The following ANGPT2 variants were observed in gnomAD, a reference collection of about 807,000 sequenced individuals.
The protein encoded by ANGPT2 is angiopoietin 2.
In ANGPT2, 28 loss-of-function variants were observed where a neutral mutation model predicts 62.9. The observed-to-expected ratio is 0.44, with a 90% CI of 0.33 to 0.61. ANGPT2 has a LOEUF of 0.61. ANGPT2 is among the 20% of genes least tolerant of loss of function. The pLI is 0.03. For synonymous variants in ANGPT2, 284 were observed against 207.8 expected (o/e 1.37, Z -3.15); for missense variants, 727 against 594.9 (o/e 1.22, Z -2.31).
intron 1 of ANGPT2, among the ~76,000 whole-genome samples, chr8:6,539,061 G>GA (rs1821028796): frequency 6.6e-6 from 1 of 152,018 alleles, no homozygotes; most frequent in Admixed American, 6.6e-5. Flanking sequence ...TTATTCTGGA[G>GA]ATTTTGCTGC....
chr8:6,559,824 GGTCCACTGCAGTGTGTTTT>G (rs376357880), intron 1 of ANGPT2, among the ~76,000 whole-genome samples: 240 of 152,284 alleles, frequency 1.6e-3, no homozygotes, highest in African/African-American at 5.6e-3. Flanking sequence ...AGTAGTGTTT[GGTCCACTGCAGTGTGTTTT>G]GTGTGCTAGC....
At chr8:6,534,915 G>C (rs779597846) in intron 1 of ANGPT2, among the ~76,000 whole-genome samples, 3 of 152,120 alleles carry the variant, frequency 2.0e-5, no homozygotes, top group Non-Finnish European at 2.9e-5. Context: ...CATCGCCATG[G>C]GAGTAATGGA....
rs1362746634 is a variant in ANGPT2 at position 6,521,387 on chromosome 8, G to A, written c.590C>T (p.Ala197Val). 2 of 1,611,180 alleles carry A rather than the reference G, an allele frequency of 1.2e-6. No homozygotes were observed. The highest frequency in any genetic ancestry group is 8.5e-7 in the Non-Finnish European group (1 of 1,178,992). ...TTGGATGATGTGCTTGTCTTCCATA[G>A]CTAGCACCTTCTTTTCTAGGAAACT... ...KNSFLEKKVL[A>V]MEDKHIIQLQ... The change falls in exon 4 of 9, where the codon GCT (alanine) becomes GTT (valine). Residue 197 changes from alanine (A) to valine (V), a missense_variant. Coordinates refer to ENST00000629816, the MANE Select transcript of ANGPT2 (RefSeq NM_001118887.2).
intron 3 of ANGPT2, among the ~76,000 whole-genome samples, chr8:6,523,938 A>T (rs1387555255): frequency 1.3e-5 from 2 of 151,366 alleles, no homozygotes. Flanking sequence ...GGATAGCCTG[A>T]CACTACATTA....
chr8:6,526,115 G>C (rs147896760), intron 3 of ANGPT2, among the ~76,000 whole-genome samples: 134 of 152,092 alleles, frequency 8.8e-4, no homozygotes, highest in African/African-American at 3.2e-3. Flanking sequence ...ACATTACTAA[G>C]TAAGACTATT....
chr8:6,542,961 C>T (rs573060862), intron 1 of ANGPT2, among the ~76,000 whole-genome samples: 88 of 152,210 alleles, frequency 5.8e-4, no homozygotes, highest in Admixed American at 2.6e-3. Flanking sequence ...TTTATAAGGC[C>T]GGCAGGAAGC....
At chr8:6,554,810 A>G (rs1824307200) in intron 1 of ANGPT2, among the ~76,000 whole-genome samples, 1 of 152,150 alleles carries the variant, frequency 6.6e-6, no homozygotes, top group South Asian at 2.1e-4. Flanking sequence ...GCAAAGAGAA[A>G]GGTTTTAGCT....
In ANGPT2 at chr8:6,514,686, T is replaced by C. The variant is rs1815892804; in HGVS notation, c.1020A>G (p.Glu340=). ...GSVDFQRTWK[E]YKVGFGNPSG... ...TAAAGAATGTCCTTACCACTTTATA[T>C]TCTTTCCAAGTCCTCTGAAAATCAA... is the stretch of plus-strand genomic sequence containing the variant. The change falls in exon 6 of 9, where the codon GAA becomes GAG. Residue 340 remains glutamate (E), a synonymous_variant. Transcript: ENST00000629816. The C allele has an allele frequency of 1.9e-6, 3 of 1,614,058 alleles. No individual in the cohort carries two copies. The African/African-American group carries it at 4.0e-5, about 22-fold the overall frequency.
At chr8:6,539,011 C>T (rs971052270) in intron 1 of ANGPT2, among the ~76,000 whole-genome samples, 1 of 144,460 alleles carries the variant, frequency 6.9e-6, no homozygotes, top group African/African-American at 2.6e-5. Context: ...TCTCCTCCCC[C>T]TCCTTTTAGA....
At chr8:6,562,336 C>A (rs751278894) in intron 1 of ANGPT2, among the ~76,000 whole-genome samples, 2 of 152,016 alleles carry the variant, frequency 1.3e-5, no homozygotes, top group Admixed American at 6.6e-5. Context: ...ACAAACAGAA[C>A]GGCACACAAG....
rs1812099837 is a variant in ANGPT2 at position 6,501,143 on chromosome 8, G to T, written c.*1958C>A. The T allele has an allele frequency of 6.6e-6, 1 of 152,172 alleles. No homozygotes were observed. Among genetic ancestry groups the T allele is most frequent in the South Asian group, 2.1e-4 (1 of 4,822 alleles). 9.4% of individuals were successfully genotyped at this position (152,172 alleles called of 1,614,324 possible). ...GTTCTTAACTAGTTAAATAGTTGTT[G>T]GAAAAGTGCACCTTGGTGGAAATAA... On this transcript the variant is annotated 3_prime_UTR_variant, in exon 9 of 9. Coordinates refer to ENST00000629816, the MANE Select transcript of ANGPT2 (RefSeq NM_001118887.2).
chr8:6,538,397 G>C lies in ANGPT2; in HGVS notation c.289-5910C>G, dbSNP rs1007624922. Among the ~76,000 whole-genome samples, 5 of 152,316 alleles carry C rather than the reference G, an allele frequency of 3.3e-5. No individual in the cohort carries two copies. The East Asian group carries it at 9.6e-4, about 29-fold the overall frequency. ...GCTCTCCTTTCATCCCGCTGTCAGA[G>C]TCAGGAATCCACATGCAAAGCTGGT... On this transcript the variant is annotated intron_variant, in intron 1 of 8. Coordinates refer to ENST00000629816, the MANE Select transcript of ANGPT2 (RefSeq NM_001118887.2).
rs1233306924 is a variant in ANGPT2, at chr8:6,501,955, G to A, written c.*1146C>T. The A allele has an allele frequency of 6.8e-6, 1 of 146,706 alleles. No homozygotes were observed. Among genetic ancestry groups the A allele is most frequent in the African/African-American group, 2.5e-5 (1 of 39,688 alleles). The allele number at this position is 146,706 out of a possible 1,614,324, so 9.1% of individuals were successfully genotyped here. ...TTTTTTTTTTTTCAGTTTGCTGATT[G>A]ACATAAAAAAACTTACTAGTGTCAA... is the stretch of plus-strand genomic sequence containing the variant. On this transcript the variant is annotated 3_prime_UTR_variant, in exon 9 of 9. Transcript: ENST00000629816.
chr8:6,532,454 C>G lies in ANGPT2; in HGVS notation c.322G>C (p.Glu108Gln), dbSNP rs774660071. Residue 108 changes from glutamate to glutamine, a missense_variant, in exon 2 of 9, where the codon GAA (glutamate) becomes CAA (glutamine). By Grantham distance (29) the Glu-to-Gln change is conservative. Coordinates refer to ENST00000629816, the MANE Select transcript of ANGPT2 (RefSeq NM_001118887.2). ...ENYIQDNMKK[E>Q]MVEIQQNAVQ... ...GCATTCTGCTGTATCTCTACCATTTCTTTCTTCATGTTGTCCTGGATATAA... is the reference window on the plus strand; with the variant it reads ...GCATTCTGCTGTATCTCTACCATTTGTTTCTTCATGTTGTCCTGGATATAA... 1.9e-6 allele frequency: 3 copies of G among 1,613,482 alleles called. No individual in the cohort carries two copies. Among genetic ancestry groups the G allele is most frequent in the East Asian group, 4.5e-5 (2 of 44,826 alleles).
intron 8 of ANGPT2, among the ~76,000 whole-genome samples, chr8:6,506,976 C>T (rs925088659): frequency 2.0e-5 from 3 of 151,950 alleles, no homozygotes; most frequent in African/African-American, 7.3e-5. Flanking sequence ...CGGCTCATTG[C>T]AAACTCTGTC....
intron 3 of ANGPT2, among the ~76,000 whole-genome samples, chr8:6,526,116 T>TAAG (rs760357331): frequency 3.5e-4 from 53 of 151,912 alleles, no homozygotes; most frequent in Non-Finnish European, 6.2e-4. Context: ...CATTACTAAG[T>TAAG]AAGACTATTT....
In ANGPT2 at chr8:6,562,975, G is replaced by C; in HGVS notation, c.-41C>G. 6 of 1,547,588 alleles carry C rather than the reference G, an allele frequency of 3.9e-6. No homozygotes were observed. The highest frequency in any genetic ancestry group is 5.3e-6 in the Non-Finnish European group (6 of 1,139,584). On this transcript the variant is annotated 5_prime_UTR_variant, in exon 1 of 9. Coordinates refer to ENST00000629816, the MANE Select transcript of ANGPT2 (RefSeq NM_001118887.2). ...AAACCAGCAGCTTAGCAAACTTGAGGGCAAACACACGTCCAGAGTCCCGAG... is the reference window on the plus strand; with the variant it reads ...AAACCAGCAGCTTAGCAAACTTGAGCGCAAACACACGTCCAGAGTCCCGAG...
At position 6,500,826 on chromosome 8, in the gene ANGPT2, T is replaced by G. The variant is rs1812028372; in HGVS notation, c.*2275A>C. The G allele has an allele frequency of 6.6e-6, 1 of 152,224 alleles. No homozygotes were observed. Among genetic ancestry groups the G allele is most frequent in the Admixed American group, 6.5e-5 (1 of 15,286 alleles). The allele number at this position is 152,224 out of a possible 1,614,324, so 9.4% of individuals were successfully genotyped here. The stretch of plus-strand genomic sequence containing the variant: ...CCCCATTCTCGCTCATAAGAGATTA[T>G]ATATGATGCACAATGACATAATGAG... On this transcript the variant is annotated 3_prime_UTR_variant, in exon 9 of 9. Coordinates refer to ENST00000629816, the MANE Select transcript of ANGPT2 (RefSeq NM_001118887.2).
In ANGPT2 at chr8:6,526,990, AT is replaced by A. The variant is rs1425630798; in HGVS notation, c.566+564del. Among the ~76,000 whole-genome samples the A allele has an allele frequency of 2.0e-5, 3 of 152,202 alleles. No homozygotes were observed. The East Asian group carries it at 5.8e-4, about 29-fold the overall frequency. ...TTTATCGTGTGTTTGAAGAGGAAACATTGGATCATAAAATGTGCATTGGCTT... is the reference window on the plus strand; with the variant it reads ...TTTATCGTGTGTTTGAAGAGGAAACATGGATCATAAAATGTGCATTGGCTT... On this transcript the variant is annotated intron_variant, in intron 3 of 8. Coordinates refer to ENST00000629816, the MANE Select transcript of ANGPT2 (RefSeq NM_001118887.2).
Sources: gnomAD v4.1 joint callset for allele counts (sites outside exome capture counted in the v4.1 genomes callset) on GRCh38, gnomAD v4.1.1 for gene constraint, MANE v1.5 for transcripts, NCBI Gene and HGNC (gene_info 2026-07-23, HGNC 2026-07-21) for gene names.